Variants in TGM5 observed in about 807,000 individuals in gnomAD.
TGM5 encodes the protein protein-glutamine gamma-glutamyltransferase 5.
Under a neutral mutation model 77.2 loss-of-function variants are expected in TGM5, and 69 were observed. The ratio of observed to expected loss-of-function variants is 0.89; its 90% CI spans 0.74 to 1.09. The LOEUF is 1.09. TGM5 is among the 50% of genes least tolerant of loss of function. TGM5 has a pLI of 0.00. For missense variants in TGM5, 842 were observed against 896.5 expected (o/e 0.94, Z 0.78); for synonymous variants, 346 against 351.8 (o/e 0.98, Z 0.18).
At chr15:43,237,556 T>C (rs2042599401) in intron 9 of TGM5, among the ~76,000 whole-genome samples, 1 of 152,194 alleles carries the variant, frequency 6.6e-6, no homozygotes, top group South Asian at 2.1e-4. Context: ...AGCCTTTTTT[T>C]TTTTTGTTTA....
Position 43,232,925 on chromosome 15 carries a change from T to C in TGM5, c.*266A>G. The C allele has an allele frequency of 2.1e-6, 1 of 476,104 alleles. No homozygotes were observed. The highest frequency in any genetic ancestry group is 3.8e-6 in the Non-Finnish European group (1 of 261,468). 29.5% of individuals were successfully genotyped at this position (476,104 alleles called of 1,614,324 possible). On this transcript the variant is annotated 3_prime_UTR_variant, in exon 13 of 13. Coordinates refer to ENST00000220420, the MANE Select transcript of TGM5 (RefSeq NM_201631.4). The stretch of plus-strand genomic sequence containing the variant: ...GATGCTGGAGTCTCCTATTCATTCA[T>C]TCAAAAAATATTTGTTGAGTGCCTA...
At chr15:43,258,293 T>C (rs1000603926) in intron 3 of TGM5, among the ~76,000 whole-genome samples, 3 of 152,110 alleles carry the variant, frequency 2.0e-5, no homozygotes, top group Non-Finnish European at 2.9e-5. Context: ...GTATGCTTAT[T>C]ACCTGGGTAA....
chr15:43,262,522 C>T (rs977918638), intron 1 of TGM5, among the ~76,000 whole-genome samples: 5 of 151,790 alleles, frequency 3.3e-5, no homozygotes, highest in African/African-American at 1.2e-4. Context: ...CGTGGTGGCT[C>T]ACACCTATAA....
At chr15:43,237,737 A>G (rs2042600811) in intron 9 of TGM5, among the ~76,000 whole-genome samples, 1 of 152,162 alleles carries the variant, frequency 6.6e-6, no homozygotes, top group Non-Finnish European at 1.5e-5. Context: ...ATGCTAAAGC[A>G]TTATTTGTCC....
chr15:43,234,442 G>T (rs1171037277), intron 11 of TGM5, among the ~76,000 whole-genome samples: 2 of 152,180 alleles, frequency 1.3e-5, no homozygotes, highest in Non-Finnish European at 2.9e-5. Context: ...TTCAGACAGG[G>T]CTCTCCCCCG....
intron 8 of TGM5, 34 bp from the exon 9 acceptor site, chr15:43,239,090 T>C (rs777990802): frequency 6.2e-7 from 1 of 1,613,942 alleles, no homozygotes; most frequent in South Asian, 1.1e-5. Context: ...GGTGGGCTGT[T>C]TGTTGCAGGG....
chr15:43,240,265 A>T (rs1359251871), intron 7 of TGM5, among the ~76,000 whole-genome samples: 1 of 152,190 alleles, frequency 6.6e-6, no homozygotes, highest in Non-Finnish European at 1.5e-5. Flanking sequence ...ATGCTCAGAG[A>T]GGCCAAGCAG....
At position 43,236,708 on chromosome 15, in the gene TGM5, T is replaced by C. The variant is rs1229175310; in HGVS notation, c.1346-871A>G. ...CAGGCTGAGGGCAGTGGCTCACACC[T>C]GTAATCCCACCACTTTGGGAGGCCA... is the stretch of plus-strand genomic sequence containing the variant. On this transcript the variant is annotated intron_variant, in intron 9 of 12. Coordinates refer to ENST00000220420, the MANE Select transcript of TGM5 (RefSeq NM_201631.4). Among the ~76,000 whole-genome samples the C allele has an allele frequency of 2.0e-5, 3 of 152,042 alleles. No individual in the cohort carries two copies. In the East Asian group the frequency reaches 5.8e-4, roughly 29 times the overall value.
chr15:43,249,812 G>A (rs949197484), intron 6 of TGM5, among the ~76,000 whole-genome samples: 1 of 152,226 alleles, frequency 6.6e-6, no homozygotes, highest in Admixed American at 6.5e-5. Context: ...CCTCATCTTT[G>A]AGGCACGCAA....
chr15:43,235,179 T>G (rs1399455372), intron 10 of TGM5, among the ~76,000 whole-genome samples: 1 of 152,002 alleles, frequency 6.6e-6, no homozygotes, highest in East Asian at 1.9e-4. Context: ...CTCAGGCTTT[T>G]TCTGCAAAAC....
intron 1 of TGM5, among the ~76,000 whole-genome samples, chr15:43,261,651 T>C (rs976015826): frequency 2.6e-5 from 4 of 152,210 alleles, no homozygotes; most frequent in Admixed American, 1.3e-4. Flanking sequence ...TAAATCACAA[T>C]TGGCTCACCC....
In TGM5 at chr15:43,262,954, G is replaced by A. The variant is rs545811347; in HGVS notation, c.11-2375C>T. Among the ~76,000 whole-genome samples the A allele has an allele frequency of 9.9e-5, 15 of 152,242 alleles. No individual in the cohort carries two copies. The South Asian group carries it at 3.1e-3, about 32-fold the overall frequency. On this transcript the variant is annotated intron_variant, in intron 1 of 12. Coordinates refer to ENST00000220420, the MANE Select transcript of TGM5 (RefSeq NM_201631.4). Reference sequence around the variant, plus strand: ...AGTAAAATTGTTTCTATTTACATGTGACATAATCTTGTATATAGAAAATCC... The same window carrying A: ...AGTAAAATTGTTTCTATTTACATGTAACATAATCTTGTATATAGAAAATCC...
At chr15:43,238,735 C>T (rs1596441396) in intron 9 of TGM5, 82 bp downstream of exon 9, 7 of 1,571,094 alleles carry the variant, frequency 4.5e-6, no homozygotes, top group Admixed American at 3.7e-5. Context: ...GGTCCTGCCT[C>T]GCAGATGCTC....
chr15:43,266,783 A>T, intron 1 of TGM5, 57 bp downstream of exon 1: 1 of 1,609,686 alleles, frequency 6.2e-7, no homozygotes, highest in Non-Finnish European at 8.5e-7. Context: ...GACTTCCTAC[A>T]GTCTCTCTCT....
intron 1 of TGM5, among the ~76,000 whole-genome samples, chr15:43,261,069 TGTG>T (rs1566837418): frequency 0.081 from 1,784 of 22,018 alleles, 237 homozygotes; most frequent in African/African-American, 0.32. Flanking sequence ...CCTTTTTTTG[TGTG>T]TGTGTTTTTT....
At chr15:43,253,699 A>G in intron 4 of TGM5, 65 bp from the exon 5 acceptor site, 1 of 1,595,340 alleles carries the variant, frequency 6.3e-7, no homozygotes, top group Non-Finnish European at 8.5e-7. Flanking sequence ...GTAAAAAGTA[A>G]TGACTTCCCC....
rs200656120 is a variant in TGM5 at position 43,260,575 on chromosome 15, T to C, written c.15A>G (p.Leu5=). The change falls in exon 2 of 13, where the codon CTA becomes CTG. Residue 5 remains leucine, a synonymous_variant. Transcript: ENST00000220420. MAQG[L]EVALTDLQSS... ...TCTGGAGGTCTGTGAGGGCCACTTC[T>C]AGCCCTGCAATGGGGCAGCCAGGGT... 3 of 1,614,138 alleles carry C rather than the reference T, an allele frequency of 1.9e-6. No individual in the cohort carries two copies. Among genetic ancestry groups the C allele is most frequent in the East Asian group, 2.2e-5 (1 of 44,880 alleles).
In TGM5 at chr15:43,260,099, G is replaced by C; in HGVS notation, c.389C>G (p.Ala130Gly). ...CAGGATGAACTCCCCTAGCTGGTAG[G>C]CCGTCACAGACCCCTGGAAGGAGTC... ...HIDSFQGSVT[A>G]YQLGEFILLF... Residue 130 changes from alanine to glycine, a missense_variant, in exon 3 of 13, where the codon GCC becomes GGC. Coordinates refer to ENST00000220420, the MANE Select transcript of TGM5 (RefSeq NM_201631.4). 6.2e-7 allele frequency: 1 copy of C among 1,614,162 alleles called. No individual in the cohort carries two copies. The highest frequency in any genetic ancestry group is 1.1e-5 in the South Asian group (1 of 91,084).
intron 11 of TGM5, 54 bp from the exon 12 acceptor site, chr15:43,233,741 A>T: frequency 6.2e-7 from 1 of 1,603,968 alleles, no homozygotes; most frequent in African/African-American, 1.3e-5. Flanking sequence ...AACTCACCAG[A>T]TATTTACGAA....
Sources: gnomAD v4.1 joint callset for allele counts (sites outside exome capture counted in the v4.1 genomes callset) on GRCh38, gnomAD v4.1.1 for gene constraint, MANE v1.5 for transcripts, NCBI Gene and HGNC (gene_info 2026-07-23, HGNC 2026-07-21) for gene names.